AKAP10: variants seen among roughly 807,000 people sequenced by gnomAD.
The protein encoded by AKAP10 is A-kinase anchor protein 10, mitochondrial.
Under a neutral mutation model 80.8 loss-of-function variants are expected in AKAP10, and 24 were observed. The ratio of observed to expected loss-of-function variants is 0.30; its 90% CI spans 0.22 to 0.42. The LOEUF (loss-of-function observed/expected upper bound fraction) is 0.42. Ranked by LOEUF, AKAP10 falls within the 10% of genes least tolerant of loss-of-function variation. The pLI is 1.00. For synonymous variants in AKAP10, 291 were observed against 277.7 expected (o/e 1.05, Z -0.48); for missense variants, 661 against 794.9 (o/e 0.83, Z 2.03).
rs117070578 is a variant in AKAP10 at position 19,948,573 on chromosome 17, G to A, written c.878-1068C>T. 5.2e-3 allele frequency among the ~76,000 whole-genome samples: 798 copies of A among 152,198 alleles called. 4 individuals are homozygous for A. The highest frequency in any genetic ancestry group is 9.1e-3 in the Non-Finnish European group (622 of 68,020). On this transcript the variant is annotated intron_variant, in intron 4 of 14. Coordinates refer to ENST00000225737, the MANE Select transcript of AKAP10 (RefSeq NM_007202.4). ...AAGAAGAAGAAGTCGTGGCCACAGAGGTTGACATAGCTACAGGAAGTGTGC... is the reference window on the plus strand; with the variant it reads ...AAGAAGAAGAAGTCGTGGCCACAGAAGTTGACATAGCTACAGGAAGTGTGC...
intron 4 of AKAP10, among the ~76,000 whole-genome samples, chr17:19,954,695 G>A (rs963134240): frequency 1.4e-4 from 21 of 147,728 alleles, no homozygotes; most frequent in East Asian, 1.2e-3. Context: ...GGGTTTCACC[G>A]CATTAGCCAG....
In AKAP10 at chr17:19,909,987, C is replaced by T. The variant is rs780119071; in HGVS notation, c.1835-9G>A. Reference sequence around the variant, plus strand: ...TTGTGAGAACATGGATCCTAGTAAACAAAGACAAAATTGAATGTACATTTC... The same window carrying T: ...TTGTGAGAACATGGATCCTAGTAAATAAAGACAAAATTGAATGTACATTTC... On this transcript the variant is annotated splice_polypyrimidine_tract_variant and intron_variant, in intron 12 of 14. Coordinates refer to ENST00000225737, the MANE Select transcript of AKAP10 (RefSeq NM_007202.4). The T allele has an allele frequency of 6.2e-7, 1 of 1,612,782 alleles. No homozygotes were observed. Among genetic ancestry groups the T allele is most frequent in the South Asian group, 1.1e-5 (1 of 90,968 alleles).
intron 14 of AKAP10, among the ~76,000 whole-genome samples, chr17:19,908,689 G>T (rs1319031496): frequency 1.3e-5 from 2 of 152,086 alleles, no homozygotes; most frequent in Non-Finnish European, 2.9e-5. Flanking sequence ...GCCCAGGCTG[G>T]AGTGCAGTGG....
chr17:19,965,950 C>G (rs543723455), intron 2 of AKAP10, among the ~76,000 whole-genome samples: 50 of 151,282 alleles, frequency 3.3e-4, no homozygotes, highest in Non-Finnish European at 6.5e-4. Context: ...AAAATGAAAA[C>G]AAGTTGAATA....
At chr17:19,965,368 C>T (rs1480914823) in intron 2 of AKAP10, among the ~76,000 whole-genome samples, 1 of 152,320 alleles carries the variant, frequency 6.6e-6, no homozygotes, top group Middle Eastern at 3.4e-3. Context: ...AAAAAACTTC[C>T]GGGGTCTCCA....
chr17:19,928,382 T>C (rs1157290640), intron 10 of AKAP10, among the ~76,000 whole-genome samples: 3 of 152,224 alleles, frequency 2.0e-5, no homozygotes. Flanking sequence ...GTAGAACTTA[T>C]TGGAATGACT....
At chr17:19,932,980 G>C (rs1377679554) in intron 9 of AKAP10, among the ~76,000 whole-genome samples, 2 of 151,974 alleles carry the variant, frequency 1.3e-5, no homozygotes, top group Non-Finnish European at 2.9e-5. Context: ...AGTATAATTT[G>C]TAAATATTTA....
At chr17:19,916,629 G>C (rs1204844596) in intron 12 of AKAP10, among the ~76,000 whole-genome samples, 1 of 150,488 alleles carries the variant, frequency 6.6e-6, no homozygotes, top group Non-Finnish European at 1.5e-5. Flanking sequence ...AGAGGTATGA[G>C]ACCAGATTAA....
At chr17:19,907,569 C>A (rs1209882595) in intron 14 of AKAP10, among the ~76,000 whole-genome samples, 1 of 152,010 alleles carries the variant, frequency 6.6e-6, no homozygotes, top group African/African-American at 2.4e-5. Flanking sequence ...AGGCACCTGC[C>A]ACCATGCCCA....
In AKAP10 at chr17:19,957,491, C is replaced by T. The variant is rs147284448; in HGVS notation, c.877+523G>A. 2.7e-3 allele frequency among the ~76,000 whole-genome samples: 404 copies of T among 151,734 alleles called. 14 individuals carry two copies. The East Asian group carries it at 0.074, about 28-fold the overall frequency. ...CGGAGGTTGCAGTGAGCCGAGACCG[C>T]GCCATTGCACTCCAGCCTGGGCGAC... On this transcript the variant is annotated intron_variant, in intron 4 of 14. Transcript: ENST00000225737.
rs2042966159 is a variant in AKAP10, at chr17:19,933,982, T to C, written c.1468-2004A>G. Among the ~76,000 whole-genome samples the C allele has an allele frequency of 2.6e-5, 4 of 152,070 alleles. No homozygotes were observed. In the South Asian group the frequency reaches 8.3e-4, roughly 32 times the overall value. On this transcript the variant is annotated intron_variant, in intron 9 of 14. Transcript: ENST00000225737. ...TGTTGCCCAGGCTGGAGTGCAATGG[T>C]GCGATCTCAGCTCACTGCAACCTCT... is the stretch of plus-strand genomic sequence containing the variant.
chr17:19,964,971 G>A (rs1379028332), intron 2 of AKAP10, among the ~76,000 whole-genome samples: 1 of 152,176 alleles, frequency 6.6e-6, no homozygotes, highest in South Asian at 2.1e-4. Flanking sequence ...CCTCCACATG[G>A]ACTGTTTGCA....
chr17:19,931,664 T>C, intron 10 of AKAP10, 141 bp downstream of exon 10: 1 of 979,548 alleles, frequency 1.0e-6, no homozygotes, highest in Non-Finnish European at 1.4e-6. Context: ...GTGCTGGGAT[T>C]ACAGGCACAG....
At chr17:19,926,237 C>G (rs933450516) in intron 10 of AKAP10, among the ~76,000 whole-genome samples, 7 of 141,022 alleles carry the variant, frequency 5.0e-5, no homozygotes, top group African/African-American at 1.9e-4. Context: ...TATACTGATA[C>G]AGAAAGAACA....
intron 4 of AKAP10, among the ~76,000 whole-genome samples, chr17:19,948,679 C>T (rs1187304865): frequency 1.3e-5 from 2 of 152,096 alleles, no homozygotes; most frequent in African/African-American, 2.4e-5. Context: ...GAAGGCAGAA[C>T]GTGTCAGGGA....
At chr17:19,941,038 A>C (rs1433547141) in intron 6 of AKAP10, 28 bp from the exon 7 acceptor site, 1 of 1,585,714 alleles carries the variant, frequency 6.3e-7, no homozygotes, top group African/African-American at 1.4e-5. Context: ...GGAAAATTTG[A>C]GGGAACGACC....
intron 3 of AKAP10, among the ~76,000 whole-genome samples, chr17:19,959,985 G>A (rs2043328849): frequency 1.3e-5 from 2 of 152,110 alleles, no homozygotes; most frequent in Non-Finnish European, 2.9e-5. Context: ...GGTCGCTCAC[G>A]CCTGTAATTC....
chr17:19,927,736 C>T (rs967915633), intron 10 of AKAP10, among the ~76,000 whole-genome samples: 2 of 151,836 alleles, frequency 1.3e-5, no homozygotes, highest in Non-Finnish European at 2.9e-5. Flanking sequence ...ATGGTGAAAC[C>T]CTGTCTCTAA....
At chr17:19,968,311 G>A (rs2043449123) in intron 2 of AKAP10, 103 bp downstream of exon 2, 8 of 854,710 alleles carry the variant, frequency 9.4e-6, no homozygotes, top group South Asian at 1.9e-5. Flanking sequence ...AAATAAGGCA[G>A]AAATGATTAA....
Sources: allele counts gnomAD v4.1 joint callset (sites outside exome capture counted in the v4.1 genomes callset), GRCh38; gene constraint gnomAD v4.1.1; transcripts MANE v1.5; gene names NCBI Gene and HGNC (gene_info 2026-07-23, HGNC 2026-07-21).